The following BNC2 variants were observed in gnomAD, a reference collection of about 807,000 sequenced individuals.
BNC2 encodes the protein basonuclin zinc finger protein 2.
In BNC2, 20 loss-of-function variants were observed where a neutral mutation model predicts 76.3. That is an observed-to-expected ratio of 0.26 (90% confidence interval 0.18 to 0.38). The LOEUF (loss-of-function observed/expected upper bound fraction) is 0.38, where lower values mean the gene tolerates loss of function less well. Ranked by LOEUF, BNC2 falls within the 10% of genes least tolerant of loss-of-function variation. The pLI is 1.00. For missense variants in BNC2, 1,382 were observed against 1,399.8 expected (o/e 0.99, Z 0.20); for synonymous variants, 582 against 514.8 (o/e 1.13, Z -1.77).
intron 1 of BNC2, among the ~76,000 whole-genome samples, chr9:16,785,071 C>G (rs1273727878): frequency 6.6e-6 from 1 of 152,212 alleles, no homozygotes; most frequent in Non-Finnish European, 1.5e-5. Flanking sequence ...AAGACAGCTT[C>G]CAGTGTACCT....
intron 1 of BNC2, among the ~76,000 whole-genome samples, chr9:16,822,359 A>C (rs1383641460): frequency 6.6e-6 from 1 of 152,186 alleles, no homozygotes; most frequent in Non-Finnish European, 1.5e-5. Context: ...GAAGAAATCA[A>C]GACACAGAAG....
At chr9:16,514,683 A>T (rs1299524095) in intron 5 of BNC2, among the ~76,000 whole-genome samples, 2 of 152,156 alleles carry the variant, frequency 1.3e-5, no homozygotes, top group Non-Finnish European at 2.9e-5. Flanking sequence ...TTCTTTTTTG[A>T]ATTGTAATAA....
At chr9:16,769,843 G>A (rs567301511) in intron 1 of BNC2, among the ~76,000 whole-genome samples, 27 of 152,250 alleles carry the variant, frequency 1.8e-4, no homozygotes, top group African/African-American at 5.8e-4. Flanking sequence ...GCTTGCAAAC[G>A]TGAGAAAACC....
chr9:16,516,194 T>G (rs1433044671), intron 5 of BNC2, among the ~76,000 whole-genome samples: 1 of 152,172 alleles, frequency 6.6e-6, no homozygotes, highest in Non-Finnish European at 1.5e-5. Flanking sequence ...TAATGAATAT[T>G]CAGCCACATT....
At chr9:16,482,701 G>A (rs1454163142) in intron 5 of BNC2, among the ~76,000 whole-genome samples, 1 of 152,132 alleles carries the variant, frequency 6.6e-6, no homozygotes, top group Non-Finnish European at 1.5e-5. Context: ...GGGATCACAA[G>A]AAAAGATTCC....
chr9:16,635,328 T>A (rs1306640377), intron 3 of BNC2, among the ~76,000 whole-genome samples: 1 of 152,236 alleles, frequency 6.6e-6, no homozygotes, highest in East Asian at 1.9e-4. Context: ...TAAACATACT[T>A]GTTTGTGGAA....
chr9:16,532,239 A>G (rs1817998868), intron 5 of BNC2, among the ~76,000 whole-genome samples: 1 of 152,162 alleles, frequency 6.6e-6, no homozygotes, highest in Non-Finnish European at 1.5e-5. Context: ...AAAAATAAGA[A>G]TAATTTTGCA....
intron 5 of BNC2, among the ~76,000 whole-genome samples, chr9:16,520,382 A>C (rs1261576086): frequency 6.6e-6 from 1 of 152,266 alleles, no homozygotes; most frequent in Admixed American, 6.5e-5. Context: ...AAAGATTCAA[A>C]AAGAAAAGCA....
chr9:16,841,255 T>G (rs1371168257), intron 1 of BNC2, among the ~76,000 whole-genome samples: 1 of 152,182 alleles, frequency 6.6e-6, no homozygotes, highest in Non-Finnish European at 1.5e-5. Flanking sequence ...CCCTAAGCAA[T>G]GACAGTTATT....
At chr9:16,780,085 A>G (rs974924751) in intron 1 of BNC2, among the ~76,000 whole-genome samples, 54 of 151,356 alleles carry the variant, frequency 3.6e-4, no homozygotes, top group Admixed American at 1.3e-4. Context: ...AAATACAAAA[A>G]ATTAGCCGGG....
chr9:16,547,765 T>G (rs1818532449), intron 5 of BNC2, among the ~76,000 whole-genome samples: 1 of 152,126 alleles, frequency 6.6e-6, no homozygotes, highest in South Asian at 2.1e-4. Context: ...GAACTGAGTG[T>G]GTTCAGAACT....
intron 5 of BNC2, among the ~76,000 whole-genome samples, chr9:16,457,609 T>C (rs947186537): frequency 3.9e-5 from 6 of 152,182 alleles, no homozygotes; most frequent in Non-Finnish European, 5.9e-5. Context: ...TGCAACTCAG[T>C]GCCCACAGTT....
intron 1 of BNC2, among the ~76,000 whole-genome samples, chr9:16,746,080 C>G (rs1048420793): frequency 6.6e-6 from 1 of 152,158 alleles, no homozygotes; most frequent in Non-Finnish European, 1.5e-5. Context: ...ATCAAGGAAA[C>G]TGAGGCAAAG....
chr9:16,476,873 G>C (rs1028312938), intron 5 of BNC2, among the ~76,000 whole-genome samples: 9 of 152,192 alleles, frequency 5.9e-5, no homozygotes, highest in Non-Finnish European at 4.4e-5. Flanking sequence ...CAAGGGGTTT[G>C]AAATGTACAA....
At chr9:16,865,471 C>A (rs1819521975) in intron 1 of BNC2, among the ~76,000 whole-genome samples, 1 of 152,076 alleles carries the variant, frequency 6.6e-6, no homozygotes, top group Admixed American at 6.6e-5. Context: ...TGTGAAGTAC[C>A]AGGCAAACTT....
chr9:16,435,999 T>C lies in BNC2; in HGVS notation c.2195A>G (p.Lys732Arg), dbSNP rs779990518. The change falls in exon 6 of 7, where the codon AAA becomes AGA. Residue 732 changes from lysine to arginine, a missense_variant. Lys to Arg is a conservative substitution (Grantham distance 26). This residue lies in a region of BNC2 where 798 missense variants were observed against 775.5 expected (regional missense o/e 1.03). Coordinates refer to ENST00000380672, the MANE Select transcript of BNC2 (RefSeq NM_017637.6). ...CCCTTCCATGGATTCCTCGCCCAGT[T>C]TGGGCTCCGAAGACTCAGACTCGTT... The part of the protein sequence containing the change: ...YENESESSEP[K>R]LGEESMEGDE... The C allele has an allele frequency of 2.5e-6, 4 of 1,614,182 alleles. No homozygotes were observed. The highest frequency in any genetic ancestry group is 2.5e-6 in the Non-Finnish European group (3 of 1,180,034).
intron 5 of BNC2, among the ~76,000 whole-genome samples, chr9:16,547,931 A>G (rs2132471155): frequency 6.6e-6 from 1 of 152,290 alleles, no homozygotes; most frequent in Non-Finnish European, 1.5e-5. Context: ...TCCAGTATGT[A>G]GTTACTCCCA....
intron 1 of BNC2, among the ~76,000 whole-genome samples, chr9:16,776,143 A>C (rs950163594): frequency 1.3e-5 from 2 of 152,068 alleles, no homozygotes; most frequent in Admixed American, 6.6e-5. Flanking sequence ...TGATTTACTT[A>C]TTCATATTTT....
intron 5 of BNC2, among the ~76,000 whole-genome samples, chr9:16,440,080 T>C (rs1022405134): frequency 2.0e-5 from 3 of 152,174 alleles, no homozygotes; most frequent in East Asian, 1.9e-4. Flanking sequence ...TATAGGTAAA[T>C]AGAGAAATAA....
Sources: gnomAD v4.1 joint callset for allele counts (sites outside exome capture counted in the v4.1 genomes callset) on GRCh38, gnomAD v4.1.1 for gene constraint, gnomAD v4.1.1 regional missense constraint, MANE v1.5 for transcripts, NCBI Gene and HGNC (gene_info 2026-07-23, HGNC 2026-07-21) for gene names.